Variants in CTNNA3 observed in about 807,000 individuals in gnomAD.
The protein encoded by CTNNA3 is catenin alpha 3.
CTNNA3 carries 76 observed loss-of-function variants against 95.7 expected under a neutral mutation model. That is an observed-to-expected ratio of 0.79 (90% CI 0.66 to 0.96). The LOEUF is 0.96. Ranked by LOEUF, CTNNA3 falls within the 40% of genes least tolerant of loss-of-function variation. CTNNA3 has a pLI of 0.00. For missense variants in CTNNA3, 1,191 were observed against 1,089.8 expected, an observed-to-expected ratio of 1.09 and a Z score of -1.31; for synonymous variants, 431 against 374.4, an observed-to-expected ratio of 1.15 and a Z score of -1.74.
At chr10:67,114,959 T>C (rs1361732768) in intron 7 of CTNNA3, among the ~76,000 whole-genome samples, 1 of 152,038 alleles carries the variant, frequency 6.6e-6, no homozygotes, top group Non-Finnish European at 1.5e-5. Flanking sequence ...AAATTTAAAT[T>C]TGGATACCCC....
At chr10:66,663,071 C>T (rs1846319445) in intron 9 of CTNNA3, among the ~76,000 whole-genome samples, 1 of 151,944 alleles carries the variant, frequency 6.6e-6, no homozygotes, top group Non-Finnish European at 1.5e-5. Flanking sequence ...CATTCTTCGT[C>T]CTCACCTTAA....
rs1334480633 is a variant in CTNNA3, at chr10:67,726,432, CATATATA to C, written c.-2+36995_-2+37001del. Among the ~76,000 whole-genome samples, 115 of 51,346 alleles carry C rather than the reference CATATATA, an allele frequency of 2.2e-3. 1 individual carries two copies. Among genetic ancestry groups the C allele is most frequent in the African/African-American group, 7.4e-3 (49 of 6,628 alleles). The allele number at this position is 51,346 out of a possible 152,430, so 33.7% of individuals were successfully genotyped here. On this transcript the variant is annotated intron_variant, in intron 1 of 17. Coordinates refer to the CTNNA3 transcript ENST00000684154. ...TCATATATAATATTATATATTATATCATATATAATATATAATATTATATATGATATAT... is the reference window on the plus strand; with the variant it reads ...TCATATATAATATTATATATTATATCATATATAATATTATATATGATATAT...
At chr10:67,763,010 G>C (rs1347171539) in intron 1 of CTNNA3, among the ~76,000 whole-genome samples, 1 of 152,122 alleles carries the variant, frequency 6.6e-6, no homozygotes, top group Non-Finnish European at 1.5e-5. Flanking sequence ...AAGTCTTGCC[G>C]ATGCTCCCAG....
At chr10:67,677,669 C>T (rs544661957) in intron 1 of CTNNA3, among the ~76,000 whole-genome samples, 3 of 152,232 alleles carry the variant, frequency 2.0e-5, no homozygotes, top group African/African-American at 7.2e-5. Flanking sequence ...CCTAGCAATA[C>T]ATTTCTAACT....
intron 7 of CTNNA3, among the ~76,000 whole-genome samples, chr10:66,844,615 T>C (rs867863196): frequency 6.6e-6 from 1 of 152,182 alleles, no homozygotes; most frequent in African/African-American, 2.4e-5. Flanking sequence ...TTCAGAAAGA[T>C]TTATATTAAG....
chr10:67,697,876 A>C (rs1391402232), upstream of CTNNA3, among the ~76,000 whole-genome samples: 1 of 152,194 alleles, frequency 6.6e-6, no homozygotes, highest in South Asian at 2.1e-4. Flanking sequence ...TGTTGATCAC[A>C]GGCCCCATGG....
At chr10:67,364,779 C>A (rs1302981751) in intron 5 of CTNNA3, among the ~76,000 whole-genome samples, 1 of 152,124 alleles carries the variant, frequency 6.6e-6, no homozygotes. Flanking sequence ...GAATCAAAAT[C>A]ATGAAAATGG....
chr10:67,073,660 C>A, intron 7 of CTNNA3, among the ~76,000 whole-genome samples: 1 of 149,956 alleles, frequency 6.7e-6, no homozygotes, highest in African/African-American at 2.5e-5. Context: ...AATAGAGATA[C>A]AAAAGAAGTT....
intron 13 of CTNNA3, among the ~76,000 whole-genome samples, chr10:66,252,468 T>C (rs892978730): frequency 2.6e-5 from 4 of 152,230 alleles, no homozygotes; most frequent in African/African-American, 9.6e-5. Context: ...TCAAGTCTTA[T>C]AATGCTGAAG....
Position 67,314,093 on chromosome 10 carries a change from C to T in CTNNA3, c.580-94223G>A, listed in dbSNP as rs556218650. Among the ~76,000 whole-genome samples the T allele has an allele frequency of 1.8e-4, 27 of 152,258 alleles. 1 individual carries two copies. The highest frequency in any genetic ancestry group is 6.0e-4 in the African/African-American group (25 of 41,554). On this transcript the variant is annotated intron_variant, in intron 5 of 17. Transcript: ENST00000433211. ...AGCAAGTATTTGGGCTTCTACTGAA[C>T]CCCAAAAAGAAGATGCACATAATTT...
intron 7 of CTNNA3, among the ~76,000 whole-genome samples, chr10:66,778,663 C>T (rs71496009): frequency 0.021 from 3,249 of 151,496 alleles, 132 homozygotes; most frequent in East Asian, 0.17. Flanking sequence ...AACAAACTGC[C>T]AAGAAAGACT....
Position 67,514,519 on chromosome 10 carries a change from AT to A in CTNNA3, c.579+7322del, listed in dbSNP as rs960229741. Among the ~76,000 whole-genome samples, 16 of 150,894 alleles carry A rather than the reference AT, an allele frequency of 1.1e-4. No homozygotes were observed. In the East Asian group the frequency reaches 1.4e-3, roughly 13 times the overall value. ...AGACATTTTCAGAGTTAACTTGTCT[AT>A]TTTTTTTTATTATTATACTTTAAGT... On this transcript the variant is annotated intron_variant, in intron 5 of 17. Transcript: ENST00000433211.
At chr10:67,726,639 A>G (rs867534430) in intron 1 of CTNNA3, among the ~76,000 whole-genome samples, 2 of 1,780 alleles carry the variant, frequency 1.1e-3, no homozygotes, top group African/African-American at 2.0e-3. Flanking sequence ...TATTATATAT[A>G]ATATATACTA....
intron 6 of CTNNA3, among the ~76,000 whole-genome samples, chr10:67,212,136 T>C (rs971166710): frequency 2.0e-5 from 3 of 152,034 alleles, no homozygotes; most frequent in African/African-American, 4.8e-5. Flanking sequence ...ACACACTTTA[T>C]TCAATTTCAT....
chr10:66,798,277 T>G (rs1350221450), intron 7 of CTNNA3, among the ~76,000 whole-genome samples: 1 of 151,832 alleles, frequency 6.6e-6, no homozygotes, highest in Non-Finnish European at 1.5e-5. Flanking sequence ...AACAATATTA[T>G]TACTAATATT....
At chr10:66,157,003 T>A (rs569184093) in intron 13 of CTNNA3, among the ~76,000 whole-genome samples, 1 of 151,882 alleles carries the variant, frequency 6.6e-6, no homozygotes, top group Admixed American at 6.6e-5. Flanking sequence ...TCATTTGCAT[T>A]TGGGTTTTGG....
chr10:67,116,351 A>T (rs186141374), intron 7 of CTNNA3, among the ~76,000 whole-genome samples: 30 of 152,142 alleles, frequency 2.0e-4, no homozygotes, highest in Non-Finnish European at 3.7e-4. Flanking sequence ...CATTTCAATG[A>T]TTTTCAAATG....
Position 66,149,061 on chromosome 10 carries a change from T to C in CTNNA3, c.1885-45812A>G, listed in dbSNP as rs561988607. On this transcript the variant is annotated intron_variant, in intron 13 of 17. Coordinates refer to ENST00000433211, the MANE Select transcript of CTNNA3 (RefSeq NM_013266.4). ...ACTACGTAGTTAACAATACTTGTTA[T>C]AGTTTATAGTTCAATTATAGTTAAC... Among the ~76,000 whole-genome samples the C allele has an allele frequency of 1.1e-4, 16 of 150,922 alleles. 1 individual carries two copies. Among genetic ancestry groups the C allele is most frequent in the Admixed American group, 5.3e-4 (8 of 15,038 alleles).
intron 10 of CTNNA3, among the ~76,000 whole-genome samples, chr10:66,539,545 A>G (rs1294198041): frequency 6.6e-6 from 1 of 152,130 alleles, no homozygotes; most frequent in African/African-American, 2.4e-5. Context: ...TACAATTGGC[A>G]TTCCCTTGTT....
Sources: gnomAD v4.1 joint callset for allele counts (sites outside exome capture counted in the v4.1 genomes callset) on GRCh38, gnomAD v4.1.1 for gene constraint, MANE v1.5 for transcripts, NCBI Gene and HGNC (gene_info 2026-07-23, HGNC 2026-07-21) for gene names.